SHB: variants seen among roughly 807,000 people sequenced by gnomAD.
SHB encodes SH2 domain-containing adapter protein B.
SHB carries 20 observed loss-of-function variants against 52.3 expected under a neutral mutation model. The ratio of observed to expected loss-of-function variants is 0.38; its 90% confidence interval spans 0.27 to 0.56. The LOEUF (loss-of-function observed/expected upper bound fraction) is 0.56. Ranked by LOEUF, SHB falls within the 20% of genes least tolerant of loss-of-function variation. SHB has a pLI of 0.71. For synonymous variants in SHB, 397 were observed against 316.5 expected (o/e 1.25, Z -2.70); for missense variants, 825 against 723.3 (o/e 1.14, Z -1.61).
At chr9:38,049,238 G>T (rs1455951845) in intron 1 of SHB, among the ~76,000 whole-genome samples, 1 of 152,162 alleles carries the variant, frequency 6.6e-6, no homozygotes, top group African/African-American at 2.4e-5. Flanking sequence ...GCCCAAGCTG[G>T]GCTCAAGCGA....
In SHB at chr9:38,059,228, T is replaced by C. The variant is rs114886164; in HGVS notation, c.717+8701A>G. Among the ~76,000 whole-genome samples the C allele has an allele frequency of 4.8e-3, 723 of 151,872 alleles. 9 individuals are homozygous for C. Among genetic ancestry groups the C allele is most frequent in the African/African-American group, 0.014 (589 of 41,302 alleles). Reference sequence around the variant, plus strand: ...AAGGCCCGGCAGTGGGCCAGGGAATTCGCTTCCCCCACCCACCCACCCACC... The same window carrying C: ...AAGGCCCGGCAGTGGGCCAGGGAATCCGCTTCCCCCACCCACCCACCCACC... On this transcript the variant is annotated intron_variant, in intron 1 of 5. Transcript: ENST00000377707.
intron 2 of SHB, among the ~76,000 whole-genome samples, chr9:37,987,016 G>A (rs940009996): frequency 1.3e-5 from 2 of 152,242 alleles, no homozygotes; most frequent in South Asian, 2.1e-4. Flanking sequence ...TAGGGGACAG[G>A]CTTTCACGCC....
chr9:37,920,987 C>T (rs184694760), intron 5 of SHB, among the ~76,000 whole-genome samples: 248 of 152,298 alleles, frequency 1.6e-3, no homozygotes, highest in Middle Eastern at 6.8e-3. Context: ...GTCCTCCCAC[C>T]AGCATTTGCC....
chr9:37,957,567 G>A (rs1243333372), intron 3 of SHB, among the ~76,000 whole-genome samples: 1 of 152,214 alleles, frequency 6.6e-6, no homozygotes, highest in Non-Finnish European at 1.5e-5. Context: ...ACTGTGCTGA[G>A]CGTGTGGCCA....
intron 1 of SHB, among the ~76,000 whole-genome samples, chr9:38,063,345 A>G (rs536478784): frequency 2.6e-4 from 39 of 152,368 alleles, no homozygotes; most frequent in African/African-American, 9.4e-4. Flanking sequence ...CTCCGCAGCA[A>G]GGCACATGGG....
chr9:37,997,930 G>C (rs1163591704), intron 2 of SHB, among the ~76,000 whole-genome samples: 2 of 152,214 alleles, frequency 1.3e-5, no homozygotes, highest in African/African-American at 4.8e-5. Context: ...AGGGGCAGAG[G>C]GCCCTGGGAT....
intron 2 of SHB, among the ~76,000 whole-genome samples, chr9:37,998,553 A>G (rs2118033794): frequency 6.6e-6 from 1 of 152,324 alleles, no homozygotes; most frequent in South Asian, 2.1e-4. Flanking sequence ...CCTGGGCTCA[A>G]GCAATCCTCC....
intron 2 of SHB, among the ~76,000 whole-genome samples, chr9:37,976,372 C>A (rs1820653570): frequency 6.6e-6 from 1 of 152,160 alleles, no homozygotes; most frequent in South Asian, 2.1e-4. Context: ...ACGTACAGTT[C>A]AGTGGCATTA....
At chr9:38,011,535 G>A (rs1476848771) in intron 2 of SHB, among the ~76,000 whole-genome samples, 2 of 152,152 alleles carry the variant, frequency 1.3e-5, no homozygotes, top group Admixed American at 1.3e-4. Flanking sequence ...TGGGTGACTA[G>A]TGAGTCACTC....
intron 2 of SHB, among the ~76,000 whole-genome samples, chr9:38,011,344 G>A (rs1821139529): frequency 6.6e-6 from 1 of 152,164 alleles, no homozygotes; most frequent in Non-Finnish European, 1.5e-5. Context: ...GCCCAGATGG[G>A]CAGCAGGGCA....
At chr9:37,980,481 TTCA>T (rs1315438365) in intron 2 of SHB, among the ~76,000 whole-genome samples, 2 of 152,218 alleles carry the variant, frequency 1.3e-5, no homozygotes, top group Non-Finnish European at 1.5e-5. Context: ...TCTTGTTATT[TTCA>T]TCATATTTGC....
chr9:37,939,719 C>T (rs1317353040), intron 5 of SHB, among the ~76,000 whole-genome samples: 2 of 152,154 alleles, frequency 1.3e-5, no homozygotes, highest in Admixed American at 6.5e-5. Context: ...CCGAGAGACC[C>T]CACAAGGTAG....
At chr9:37,973,499 A>G (rs1338263853) in intron 3 of SHB, among the ~76,000 whole-genome samples, 1 of 152,254 alleles carries the variant, frequency 6.6e-6, no homozygotes, top group Non-Finnish European at 1.5e-5. Flanking sequence ...CCAGGACTAC[A>G]GGCGTGAGCC....
intron 5 of SHB, among the ~76,000 whole-genome samples, 175 bp from the exon 6 acceptor site, chr9:37,920,179 G>C (rs80041239): frequency 0.027 from 4,066 of 151,980 alleles, 73 homozygotes; most frequent in South Asian, 0.063. Context: ...GCACCCAAGC[G>C]CACCCCCAAT....
chr9:38,025,144 T>C (rs1269228802), intron 1 of SHB, among the ~76,000 whole-genome samples: 2 of 152,188 alleles, frequency 1.3e-5, no homozygotes, highest in African/African-American at 4.8e-5. Context: ...TCACCACAAC[T>C]GCCTCACAGA....
rs1315197078 is a variant in SHB, at chr9:37,917,542, CCCT to C, written c.*2276_*2278del. On this transcript the variant is annotated 3_prime_UTR_variant, in exon 6 of 6. Transcript: ENST00000377707. ...CTGAACTTGCCAGTGTGAGGTCTCA[CCCT>C]CCTCCCCCGCCGGAGGGTTGTTCCC... Among the ~76,000 whole-genome samples, 2 of 152,190 alleles carry C rather than the reference CCCT, an allele frequency of 1.3e-5. No individual in the cohort carries two copies. The highest frequency in any genetic ancestry group is 4.8e-5 in the African/African-American group (2 of 41,444).
intron 3 of SHB, among the ~76,000 whole-genome samples, chr9:37,971,455 G>A (rs557789102): frequency 5.1e-4 from 77 of 152,142 alleles, no homozygotes; most frequent in Non-Finnish European, 3.4e-4. Flanking sequence ...CCAATGCTGC[G>A]CCTAATGGAC....
At chr9:38,013,055 C>T (rs559363047) in intron 2 of SHB, among the ~76,000 whole-genome samples, 1 of 152,102 alleles carries the variant, frequency 6.6e-6, no homozygotes, top group Non-Finnish European at 1.5e-5. Context: ...CAAAGAATTA[C>T]ACACAAATAA....
intron 5 of SHB, among the ~76,000 whole-genome samples, chr9:37,941,954 C>T (rs1463748822): frequency 6.6e-6 from 1 of 152,210 alleles, no homozygotes; most frequent in Non-Finnish European, 1.5e-5. Flanking sequence ...CCACTGGCCC[C>T]TAAACCTTTA....
Sources: gnomAD v4.1 joint callset for allele counts (sites outside exome capture counted in the v4.1 genomes callset) on GRCh38, gnomAD v4.1.1 for gene constraint, MANE v1.5 for transcripts, NCBI Gene and HGNC (gene_info 2026-07-23, HGNC 2026-07-21) for gene names.